ADGRB2: variants seen among roughly 807,000 people sequenced by gnomAD.
The protein encoded by ADGRB2 is brain-specific angiogenesis inhibitor 2.
ADGRB2 carries 47 observed loss-of-function variants against 178.7 expected under a neutral mutation model. The ratio of observed to expected loss-of-function variants is 0.26; its 90% CI spans 0.21 to 0.34. The LOEUF (loss-of-function observed/expected upper bound fraction) is 0.34. ADGRB2 is among the 10% of genes least tolerant of loss of function. ADGRB2 has a pLI of 1.00. For synonymous variants in ADGRB2, 870 were observed against 912.4 expected, an observed-to-expected ratio of 0.95 and a Z score of 0.84; for missense variants, 1,584 against 2,180.8, an observed-to-expected ratio of 0.73 and a Z score of 5.45.
At position 31,739,654 on chromosome 1, in the gene ADGRB2, G is replaced by A. The variant is rs757400290; in HGVS notation, c.2168-19C>T. Reference sequence around the variant, plus strand: ...CTGATCACTGCAGTGGGAGGAGGGTGGACAGAGACAGACAGAGGGGCAGAA... The same window carrying A: ...CTGATCACTGCAGTGGGAGGAGGGTAGACAGAGACAGACAGAGGGGCAGAA... On this transcript the variant is annotated intron_variant, in intron 14 of 32. Transcript: ENST00000373658. 3.2e-6 allele frequency: 5 copies of A among 1,559,332 alleles called. No homozygotes were observed. In the East Asian group the frequency reaches 9.0e-5, roughly 28 times the overall value.
rs778478131 is a variant in ADGRB2 at position 31,751,009 on chromosome 1, C to G, written c.838+4990G>C. On this transcript the variant is annotated intron_variant, in intron 4 of 32. Coordinates refer to ENST00000373658, the MANE Select transcript of ADGRB2 (RefSeq NM_001364857.2). ...TCGAGAGCAGGGATCGTGTCTGACT[C>G]AGCCTGCTTCCCCCAAGACGCCCAG... 7.9e-4 allele frequency among the ~76,000 whole-genome samples: 121 copies of G among 152,256 alleles called. 2 individuals are homozygous for G. Among genetic ancestry groups the G allele is most frequent in the Non-Finnish European group, 2.4e-4 (16 of 68,024 alleles).
rs1321597189 is a variant in ADGRB2 at position 31,737,358 on chromosome 1, C to CA, written c.2979+70dup. ...ACTAATGGACGTACAAGCAAACACA[C>CA]ACACTGCGCTCTCCACCCTCACCCC... On this transcript the variant is annotated intron_variant, in intron 20 of 32. Transcript: ENST00000373658. 9.9e-6 allele frequency: 14 copies of CA among 1,411,270 alleles called. No individual in the cohort carries two copies. In the African/African-American group the frequency reaches 1.8e-4, roughly 19 times the overall value. 87.4% of individuals were successfully genotyped at this position (1,411,270 alleles called of 1,614,324 possible).
chr1:31,737,320 C>G, intron 20 of ADGRB2, 109 bp downstream of exon 20: 1 of 1,029,972 alleles, frequency 9.7e-7, no homozygotes, highest in Non-Finnish European at 1.5e-6. Flanking sequence ...ACATGGGGCA[C>G]ACATACACCA....
Position 31,739,611 on chromosome 1 carries a change from A to G in ADGRB2, c.2192T>C (p.Val731Ala). 1 of 1,597,244 alleles carries G rather than the reference A, an allele frequency of 6.3e-7. No homozygotes were observed. Among genetic ancestry groups the G allele is most frequent in the Non-Finnish European group, 8.5e-7 (1 of 1,170,320 alleles). Residue 731 changes from valine to alanine, a missense_variant, in exon 15 of 33, where the codon GTC (valine) becomes GCC (alanine). Val to Ala is a moderately conservative substitution (Grantham distance 64). Transcript: ENST00000373658. ...NLVISIQREP[V>A]SAVSSDITFP... ...CGTGATGTCACTGGACACAGCTGAG[A>G]CGGGCTCTCGCTGAATGCTGATCAC...
At position 31,764,169 on chromosome 1, in the gene ADGRB2, C is replaced by G. The variant is rs1179276245; in HGVS notation, c.-476G>C. ...CCCCCGCTCCCCCGCTCCCCCGCCC[C>G]GAGCACCGCCCGCGCCGCGCGCCGC... On this transcript the variant is annotated 5_prime_UTR_variant, in exon 1 of 33. Transcript: ENST00000373658. This position sits in a 1 kb window ranked among gnomAD's most constrained non-coding sequence, Gnocchi z 7.3. 7.4e-6 allele frequency: 4 copies of G among 539,396 alleles called. No homozygotes were observed. The highest frequency in any genetic ancestry group is 1.5e-4 in the East Asian group (1 of 6,562). 33.4% of individuals were successfully genotyped at this position (539,396 alleles called of 1,614,324 possible). A position where few individuals can be genotyped will look rare whatever the true frequency, so the allele number is the denominator to read the frequency against.
chr1:31,743,044 CCCCG>C, intron 6 of ADGRB2, 42 bp from the exon 7 acceptor site: 1 of 1,358,610 alleles, frequency 7.4e-7, no homozygotes, highest in South Asian at 1.7e-5. Flanking sequence ...GGCACCATGG[CCCCG>C]CCCACCACCG....
chr1:31,738,508 C>G, intron 17 of ADGRB2, 79 bp downstream of exon 17: 1 of 1,551,544 alleles, frequency 6.4e-7, no homozygotes, highest in East Asian at 2.4e-5. Flanking sequence ...TCCCTCTTGC[C>G]TTTTAGGCAG....
In ADGRB2 at chr1:31,735,386, G is replaced by A; in HGVS notation, c.3354-105C>T. The A allele has an allele frequency of 1.7e-6, 2 of 1,185,610 alleles. No homozygotes were observed. The highest frequency in any genetic ancestry group is 2.4e-6 in the Non-Finnish European group (2 of 826,850). 73.4% of individuals were successfully genotyped at this position (1,185,610 alleles called of 1,614,324 possible). On this transcript the variant is annotated intron_variant, in intron 24 of 32. Coordinates refer to ENST00000373658, the MANE Select transcript of ADGRB2 (RefSeq NM_001364857.2). This position sits in a 1 kb window ranked among gnomAD's most constrained non-coding sequence, Gnocchi z 6.0. The stretch of plus-strand genomic sequence containing the variant: ...GGGTGGGAGGGGAGGGCAGACGAGA[G>A]AGAGAGAGCTGGGTTAGGGTGGGTG...
rs984509955 is a variant in ADGRB2, at chr1:31,754,975, C to G, written c.838+1024G>C. On this transcript the variant is annotated intron_variant, in intron 4 of 32. Transcript: ENST00000373658. This position sits in a 1 kb window ranked among gnomAD's most constrained non-coding sequence, Gnocchi z 5.7. ...CACTCTCCCAGTGAAATCCAGATGC[C>G]CTTTCCATCCTCTATCCCTGCATCC... Among the ~76,000 whole-genome samples, 1 of 152,194 alleles carries G rather than the reference C, an allele frequency of 6.6e-6. No individual in the cohort carries two copies. Among genetic ancestry groups the G allele is most frequent in the Non-Finnish European group, 1.5e-5 (1 of 68,034 alleles).
rs1415539884 is a variant in ADGRB2 at position 31,758,723 on chromosome 1, C to G, written c.-190-1212G>C. 6.3e-6 allele frequency: 1 copy of G among 158,550 alleles called. No homozygotes were observed. Among genetic ancestry groups the G allele is most frequent in the African/African-American group, 2.4e-5 (1 of 41,532 alleles). The allele number at this position is 158,550 out of a possible 1,614,324, so 9.8% of individuals were successfully genotyped here. A position where few individuals can be genotyped will look rare whatever the true frequency, so the allele number is the denominator to read the frequency against. On this transcript the variant is annotated intron_variant, in intron 1 of 32. Transcript: ENST00000373658. The surrounding 1 kb of genome is among the most constrained non-coding windows in gnomAD (Gnocchi z 4.2). ...TACTCACTGCAGAGGAGCCACCCCACCCTCCTCCCAAGACCCACATGGAGT... is the reference window on the plus strand; with the variant it reads ...TACTCACTGCAGAGGAGCCACCCCAGCCTCCTCCCAAGACCCACATGGAGT...
rs763746470 is a variant in ADGRB2 at position 31,756,051 on chromosome 1, G to A, written c.786C>T (p.Ala262=). 5 of 1,613,834 alleles carry A rather than the reference G, an allele frequency of 3.1e-6. No homozygotes were observed. The highest frequency in any genetic ancestry group is 2.2e-5 in the South Asian group (2 of 91,064). Residue 262 remains alanine (A), a synonymous_variant, in exon 4 of 33, where the codon GCC becomes GCT. Coordinates refer to ENST00000373658, the MANE Select transcript of ADGRB2 (RefSeq NM_001364857.2). The surrounding 1 kb of genome is among the most constrained non-coding windows in gnomAD (Gnocchi z 8.5). ...VPGGPAPPAE[A]DLHSGSSNDL... ...CATTGCTGCTCCCCGAGTGCAAATC[G>A]GCCTCAGCAGGTGGGGCTGGGCCCC... is the stretch of plus-strand genomic sequence containing the variant.
intron 1 of ADGRB2, among the ~76,000 whole-genome samples, chr1:31,762,061 G>A (rs1377690414): frequency 6.6e-6 from 1 of 152,034 alleles, no homozygotes; most frequent in Non-Finnish European, 1.5e-5. Context: ...TCATTACTTG[G>A]GGGTGGGAAG....
chr1:31,742,702 C>T (rs2148966345), intron 7 of ADGRB2, 136 bp downstream of exon 7: 1 of 1,077,696 alleles, frequency 9.3e-7, no homozygotes, highest in Non-Finnish European at 1.2e-6. Flanking sequence ...AGGCATACTT[C>T]TCCAGTCTCC....
rs145689822 is a variant in ADGRB2, at chr1:31,740,895, G to GCA, written c.1795-356_1795-355dup. ...AATGAGCATGTGTGTGGGCGCGCGCGCACACACACACACACACACACACAC... is the reference window on the plus strand; with the variant it reads ...AATGAGCATGTGTGTGGGCGCGCGCGCACACACACACACACACACACACACAC... On this transcript the variant is annotated intron_variant, in intron 11 of 32. Transcript: ENST00000373658. The surrounding 1 kb of genome is among the most constrained non-coding windows in gnomAD (Gnocchi z 5.9). Among the ~76,000 whole-genome samples, 2,897 of 140,226 alleles carry GCA rather than the reference G, an allele frequency of 0.021. 53 individuals carry two copies. The highest frequency in any genetic ancestry group is 0.086 in the East Asian group (395 of 4,612). 92.0% of individuals were successfully genotyped at this position (140,226 alleles called of 152,430 possible).
At chr1:31,731,797 G>A (rs139248449) in intron 28 of ADGRB2, among the ~76,000 whole-genome samples, 7 of 152,140 alleles carry the variant, frequency 4.6e-5, no homozygotes, top group African/African-American at 9.7e-5. Context: ...ATATAATAAC[G>A]TAACACTCTG....
rs767662751 is a variant in ADGRB2 at position 31,756,077 on chromosome 1, C to T, written c.760G>A (p.Gly254Arg). The T allele has an allele frequency of 5.3e-5, 86 of 1,614,012 alleles. No homozygotes were observed. Among genetic ancestry groups the T allele is most frequent in the Non-Finnish European group, 3.8e-5 (45 of 1,180,004 alleles). The change falls in exon 4 of 33, where the codon GGG becomes AGG. Residue 254 changes from glycine (G) to arginine (R), a missense_variant. Physicochemically the swap from Gly to Arg is moderately radical, Grantham distance 125. Around this residue, in one of 3 missense-constraint regions of ADGRB2, gnomAD observed 657 missense variants for 847.6 expected, o/e 0.78. Coordinates refer to ENST00000373658, the MANE Select transcript of ADGRB2 (RefSeq NM_001364857.2). This position sits in a 1 kb window ranked among gnomAD's most constrained non-coding sequence, Gnocchi z 8.5. ...AHTLSNALVP[G>R]GPAPPAEADL... ...GCCTCAGCAGGTGGGGCTGGGCCCC[C>T]GGGCACCAGGGCATTGGACAGGGTG...
Position 31,758,059 on chromosome 1 carries a change from T to A in ADGRB2, c.-190-548A>T, listed in dbSNP as rs998861945. Among the ~76,000 whole-genome samples, 2 of 151,870 alleles carry A rather than the reference T, an allele frequency of 1.3e-5. No individual in the cohort carries two copies. Among genetic ancestry groups the A allele is most frequent in the African/African-American group, 4.8e-5 (2 of 41,324 alleles). On this transcript the variant is annotated intron_variant, in intron 1 of 32. Coordinates refer to ENST00000373658, the MANE Select transcript of ADGRB2 (RefSeq NM_001364857.2). The surrounding 1 kb of genome is among the most constrained non-coding windows in gnomAD (Gnocchi z 4.2). ...GTCACTGCCCACAGCCTGCGCAACC[T>A]CTACCCAACTGCCCAGAAAATGGAA...
Position 31,728,609 on chromosome 1 carries a change from G to A in ADGRB2, c.4405C>T (p.Leu1469=). ...LERKKLRYSD[L]DFEKVMHTRK... ...CACATGGCCCTTACCTCAAAGTCCA[G>A]GTCTGAATACCGTAATTTCTTTCGC... The change falls in exon 30 of 33, where the codon CTG becomes TTG. Residue 1469 remains leucine (L), a synonymous_variant. Transcript: ENST00000373658. This position sits in a 1 kb window ranked among gnomAD's most constrained non-coding sequence, Gnocchi z 6.7. The A allele has an allele frequency of 6.2e-7, 1 of 1,614,072 alleles. No homozygotes were observed. The highest frequency in any genetic ancestry group is 8.5e-7 in the Non-Finnish European group (1 of 1,180,000).
intron 4 of ADGRB2, among the ~76,000 whole-genome samples, chr1:31,751,135 T>C (rs1646549046): frequency 6.6e-6 from 1 of 152,154 alleles, no homozygotes; most frequent in African/African-American, 2.4e-5. Flanking sequence ...AGGGCTACCA[T>C]CCAGCAGCTC....
Sources: allele counts gnomAD v4.1 joint callset (sites outside exome capture counted in the v4.1 genomes callset), GRCh38; gene constraint gnomAD v4.1.1; regional missense constraint gnomAD v4.1.1; non-coding constraint Gnocchi (gnomAD v3.1); transcripts MANE v1.5; gene names NCBI Gene and HGNC (gene_info 2026-07-23, HGNC 2026-07-21).